The following BUD23 variants were observed in gnomAD, a reference collection of about 807,000 sequenced individuals.
BUD23 encodes 18S rRNA (guanine-N(7))-methyltransferase.
Under a neutral mutation model 47.0 loss-of-function variants are expected in BUD23, and 34 were observed. The ratio of observed to expected loss-of-function variants is 0.72; its 90% confidence interval spans 0.55 to 0.96. The LOEUF (loss-of-function observed/expected upper bound fraction) is 0.96, where lower values mean the gene tolerates loss of function less well. Among genes scored for constraint, BUD23 ranks in the 40% least tolerant of loss-of-function variants. The pLI is 0.00. For missense variants in BUD23, 343 were observed against 361.2 expected (o/e 0.95, Z 0.41); for synonymous variants, 124 against 132.0 (o/e 0.94, Z 0.41).
chr7:73,697,446 A>C, intron 10 of BUD23, 159 bp from the exon 11 acceptor site: 1 of 1,538,768 alleles, frequency 6.5e-7, no homozygotes, highest in Non-Finnish European at 8.7e-7. Context: ...GGGTGTCCAG[A>C]GCGGGGAATT....
intron 5 of BUD23, among the ~76,000 whole-genome samples, chr7:73,688,520 A>T (rs1798067668): frequency 4.6e-5 from 7 of 152,222 alleles, no homozygotes; most frequent in Admixed American, 4.6e-4. Context: ...CCCAGCAGCC[A>T]TCTTACTTTA....
intron 5 of BUD23, 45 bp from the exon 6 acceptor site, chr7:73,690,871 C>A (rs1554613879): frequency 1.3e-6 from 2 of 1,514,536 alleles, no homozygotes; most frequent in Non-Finnish European, 1.8e-6. Flanking sequence ...GTTGGGGGAG[C>A]AACGTGGATT....
At chr7:73,691,750 C>T (rs1413399530) in intron 6 of BUD23, among the ~76,000 whole-genome samples, 1 of 152,026 alleles carries the variant, frequency 6.6e-6, no homozygotes, top group Non-Finnish European at 1.5e-5. Flanking sequence ...CAGGCACACA[C>T]CACCATGCCA....
At chr7:73,693,885 A>T (rs752763343) in intron 9 of BUD23, 107 bp from the exon 10 acceptor site, 1 of 1,440,986 alleles carries the variant, frequency 6.9e-7, no homozygotes, top group Non-Finnish European at 9.7e-7. Flanking sequence ...GTGGGACTGG[A>T]CCTCGTCCCT....
intron 2 of BUD23, among the ~76,000 whole-genome samples, chr7:73,684,396 C>T (rs1797856491): frequency 6.7e-6 from 1 of 149,892 alleles, no homozygotes. Context: ...AAAAAATTAG[C>T]CGGGTGTGGT....
chr7:73,690,401 G>C (rs1467618298), intron 5 of BUD23, among the ~76,000 whole-genome samples: 1 of 152,172 alleles, frequency 6.6e-6, no homozygotes, highest in Admixed American at 6.5e-5. Flanking sequence ...CTGTGTGTAT[G>C]TGAGTAGTCT....
chr7:73,683,929 T>G (rs781941257), intron 2 of BUD23, 125 bp downstream of exon 2: 1 of 1,582,752 alleles, frequency 6.3e-7, no homozygotes, highest in African/African-American at 1.4e-5. Context: ...CCCGGGTGGG[T>G]GCCGATTTCT....
At chr7:73,686,037 A>G (rs1392281259) in intron 2 of BUD23, among the ~76,000 whole-genome samples, 2 of 151,580 alleles carry the variant, frequency 1.3e-5, no homozygotes, top group African/African-American at 4.8e-5. Flanking sequence ...CGGAGCTTGC[A>G]GTGAGCCGAG....
intron 7 of BUD23, chr7:73,693,080 T>TG (rs781953264): frequency 6.8e-5 from 39 of 573,140 alleles, no homozygotes; most frequent in Non-Finnish European, 6.9e-5. Flanking sequence ...TAAACTTGAG[T>TG]GGGGAGCTGG....
intron 6 of BUD23, among the ~76,000 whole-genome samples, chr7:73,691,480 ATAGT>A (rs1213772062): frequency 2.2e-4 from 34 of 152,188 alleles, no homozygotes; most frequent in African/African-American, 7.7e-4. Context: ...GAGGAACAGG[ATAGT>A]TATTTACTGC....
rs782374060 is a variant in BUD23, at chr7:73,691,006, T to C, written c.453T>C (p.Ser151=). Residue 151 remains serine, a synonymous_variant, in exon 6 of 12, where the codon TCT becomes TCC. Coordinates refer to ENST00000265758, the MANE Select transcript of BUD23 (RefSeq NM_017528.5). The part of the protein sequence containing the change: ...RLYCFFASLF[S]VLVRGSRAVL... The stretch of plus-strand genomic sequence containing the variant: ...ACTGCTTTTTTGCTTCTCTTTTTTC[T>C]GTTCTCGTGAGTATAAGATCTTCTC... 1 of 1,614,010 alleles carries C rather than the reference T, an allele frequency of 6.2e-7. No individual in the cohort carries two copies. Among genetic ancestry groups the C allele is most frequent in the East Asian group, 2.2e-5 (1 of 44,906 alleles).
chr7:73,692,132 G>A (rs782176777), intron 6 of BUD23, among the ~76,000 whole-genome samples: 4 of 152,132 alleles, frequency 2.6e-5, no homozygotes, highest in Non-Finnish European at 5.9e-5. Flanking sequence ...CTATCTGGCC[G>A]CTGGTCTTGT....
chr7:73,684,508 C>T (rs1276006182), intron 2 of BUD23, among the ~76,000 whole-genome samples: 1 of 151,046 alleles, frequency 6.6e-6, no homozygotes, highest in Non-Finnish European at 1.5e-5. Flanking sequence ...GCTGTGTTGC[C>T]CAAGGTGGCC....
intron 6 of BUD23, 147 bp from the exon 7 acceptor site, chr7:73,692,449 C>CT: frequency 1.6e-6 from 1 of 641,506 alleles, no homozygotes; most frequent in Middle Eastern, 4.6e-4. Context: ...AGGGTGATCT[C>CT]TTTTGTTCAT....
intron 10 of BUD23, chr7:73,697,294 G>T (rs1269807389): frequency 1.5e-6 from 1 of 677,526 alleles, no homozygotes; most frequent in Non-Finnish European, 2.5e-6. Flanking sequence ...GGTAGAAAGC[G>T]GCCTGCTTAC....
chr7:73,696,311 T>A (rs1798399836), intron 10 of BUD23: 1 of 152,188 alleles, frequency 6.6e-6, no homozygotes, highest in Non-Finnish European at 1.5e-5. Flanking sequence ...CTGGATGACC[T>A]CTTCTCTGAG....
intron 7 of BUD23, chr7:73,693,007 G>A: frequency 7.3e-6 from 4 of 544,688 alleles, no homozygotes; most frequent in Middle Eastern, 5.0e-4. Flanking sequence ...TGAAAGATAA[G>A]TGAAGAGCTG....
intron 5 of BUD23, among the ~76,000 whole-genome samples, chr7:73,689,646 C>T (rs1322380096): frequency 6.6e-6 from 1 of 151,944 alleles, no homozygotes; most frequent in Non-Finnish European, 1.5e-5. Context: ...GCACAGATGC[C>T]GGTGGGAAAG....
rs782063569 is a variant in BUD23, at chr7:73,697,626, G to T, written c.723G>T (p.Arg241Ser). The stretch of plus-strand genomic sequence containing the variant: ...ACAGGTTCCCATTAAGGATGTCGAG[G>T]CGGGGAATGGTGAGGAAGAGTCGGG... ...TNERFPLRMS[R>S]RGMVRKSRAW... The change falls in exon 11 of 12, where the codon AGG becomes AGT. Residue 241 changes from arginine (R) to serine (S), a missense_variant. Arg to Ser is a moderately radical substitution (Grantham distance 110). Transcript: ENST00000265758. 2 of 1,613,730 alleles carry T rather than the reference G, an allele frequency of 1.2e-6. No individual in the cohort carries two copies. Among genetic ancestry groups the T allele is most frequent in the South Asian group, 2.2e-5 (2 of 91,088 alleles).
Sources: allele counts gnomAD v4.1 joint callset (sites outside exome capture counted in the v4.1 genomes callset), GRCh38; gene constraint gnomAD v4.1.1; transcripts MANE v1.5; gene names NCBI Gene and HGNC (gene_info 2026-07-23, HGNC 2026-07-21).